RORB: variants seen among roughly 807,000 people sequenced by gnomAD.
The protein encoded by RORB is nuclear receptor ROR-beta.
RORB carries 6 observed loss-of-function variants against 59.1 expected under a neutral mutation model. The ratio of observed to expected loss-of-function variants is 0.10; its 90% CI spans 0.06 to 0.20. The LOEUF (loss-of-function observed/expected upper bound fraction) is 0.20, where lower values mean the gene tolerates loss of function less well. Among genes scored for constraint, RORB ranks in the 10% least tolerant of loss-of-function variants. RORB has a pLI of 1.00. For missense variants in RORB, 320 were observed against 560.5 expected (o/e 0.57, Z 4.33); for synonymous variants, 215 against 204.5 (o/e 1.05, Z -0.44).
intron 1 of RORB, among the ~76,000 whole-genome samples, chr9:74,522,163 A>T (rs1286967499): frequency 6.6e-6 from 1 of 151,766 alleles, no homozygotes; most frequent in Non-Finnish European, 1.5e-5. Context: ...TTAGCAGTAA[A>T]CTTAGTAAAA....
intron 1 of RORB, among the ~76,000 whole-genome samples, chr9:74,555,294 A>T (rs1822271608): frequency 6.6e-6 from 1 of 152,190 alleles, no homozygotes; most frequent in Non-Finnish European, 1.5e-5. Context: ...CATGTACCAC[A>T]GTGGGGACCT....
Position 74,507,493 on chromosome 9 carries a change from GA to G in RORB, c.7+9513del, listed in dbSNP as rs559801911. Among the ~76,000 whole-genome samples, 35 of 152,142 alleles carry G rather than the reference GA, an allele frequency of 2.3e-4. 1 individual carries two copies. The highest frequency in any genetic ancestry group is 7.5e-4 in the African/African-American group (31 of 41,554). Reference sequence around the variant, plus strand: ...AAAAGTTTCATTTCACCTCTCCAAGGAAAGGATCACATAGTGCTTCGTATGA... The same window carrying G: ...AAAAGTTTCATTTCACCTCTCCAAGGAAGGATCACATAGTGCTTCGTATGA... On this transcript the variant is annotated intron_variant, in intron 1 of 9. Coordinates refer to ENST00000376896, the MANE Select transcript of RORB (RefSeq NM_006914.4).
intron 1 of RORB, among the ~76,000 whole-genome samples, chr9:74,541,263 GA>G: frequency 1.2e-5 from 1 of 80,426 alleles, no homozygotes; most frequent in East Asian, 4.5e-4. Flanking sequence ...CTGGGCAACA[GA>G]AAGAGACTCC....
intron 1 of RORB, among the ~76,000 whole-genome samples, chr9:74,550,323 A>C (rs1587355337): frequency 6.6e-6 from 1 of 152,184 alleles, no homozygotes; most frequent in Non-Finnish European, 1.5e-5. Context: ...TGGGAAAGAC[A>C]CACTTTTTCA....
intron 1 of RORB, among the ~76,000 whole-genome samples, chr9:74,569,494 A>G (rs1822519666): frequency 6.6e-6 from 1 of 152,106 alleles, no homozygotes; most frequent in Non-Finnish European, 1.5e-5. Flanking sequence ...ACATACCAAA[A>G]AAAGGAAAAA....
chr9:74,587,499 A>G (rs541625325), intron 1 of RORB, among the ~76,000 whole-genome samples: 2 of 152,288 alleles, frequency 1.3e-5, no homozygotes, highest in South Asian at 4.1e-4. Context: ...ACCTGTAAAA[A>G]CAAACATGTA....
intron 1 of RORB, among the ~76,000 whole-genome samples, chr9:74,549,256 G>A (rs1020946863): frequency 6.6e-6 from 1 of 151,950 alleles, no homozygotes; most frequent in Non-Finnish European, 1.5e-5. Context: ...GACCAGCCTG[G>A]CTAACACGGT....
At chr9:74,632,936 A>C (rs184223075) in intron 2 of RORB, among the ~76,000 whole-genome samples, 6 of 152,306 alleles carry the variant, frequency 3.9e-5, no homozygotes, top group East Asian at 1.9e-4. Flanking sequence ...CTCATTCTGC[A>C]ATCACTGGTT....
intron 3 of RORB, among the ~76,000 whole-genome samples, chr9:74,639,015 GT>G (rs1823749855): frequency 6.6e-6 from 1 of 152,214 alleles, no homozygotes; most frequent in South Asian, 2.1e-4. Context: ...GTTTTTAGAT[GT>G]TACCCATGGC....
chr9:74,652,665 T>C (rs1824014314), intron 4 of RORB, among the ~76,000 whole-genome samples: 1 of 152,222 alleles, frequency 6.6e-6, no homozygotes, highest in Admixed American at 6.5e-5. Context: ...GGTCTTAGAA[T>C]ATTCAGGTCT....
intron 4 of RORB, among the ~76,000 whole-genome samples, chr9:74,659,219 G>A (rs1436037767): frequency 6.6e-6 from 1 of 152,088 alleles, no homozygotes; most frequent in East Asian, 1.9e-4. Flanking sequence ...ACAATTTTTT[G>A]TTCTCTACAT....
At position 74,499,701 on chromosome 9, in the gene RORB, G is replaced by A. The variant is rs150881003; in HGVS notation, c.7+1718G>A. 2.3e-3 allele frequency among the ~76,000 whole-genome samples: 345 copies of A among 152,208 alleles called. 1 individual carries two copies. The highest frequency in any genetic ancestry group is 7.8e-3 in the African/African-American group (324 of 41,544). On this transcript the variant is annotated intron_variant, in intron 1 of 9. Coordinates refer to ENST00000376896, the MANE Select transcript of RORB (RefSeq NM_006914.4). ...AACCTTGGCTTAGTAAGAGACGCCC[G>A]GTCTTTTGTTTTTCTTTTTCTAGCC...
At chr9:74,577,739 C>T (rs1357939962) in intron 1 of RORB, among the ~76,000 whole-genome samples, 1 of 151,960 alleles carries the variant, frequency 6.6e-6, no homozygotes, top group Non-Finnish European at 1.5e-5. Context: ...AGATTCCCAC[C>T]CTATAAAATG....
chr9:74,627,340 A>G (rs1458306954), intron 1 of RORB, among the ~76,000 whole-genome samples: 2 of 152,214 alleles, frequency 1.3e-5, no homozygotes, highest in Non-Finnish European at 2.9e-5. Flanking sequence ...TTCCAAACTG[A>G]TAACCCCTTT....
rs118003007 is a variant in RORB at position 74,614,472 on chromosome 9, T to A, written c.8-15810T>A. Among the ~76,000 whole-genome samples, 115 of 152,236 alleles carry A rather than the reference T, an allele frequency of 7.6e-4. 2 individuals carry two copies. In the East Asian group the frequency reaches 0.017, roughly 22 times the overall value. ...TAGTTGCTCTTGGCACAAGGAGGAATGGGTAATTATGTGAGATGATGGATA... is the reference window on the plus strand; with the variant it reads ...TAGTTGCTCTTGGCACAAGGAGGAAAGGGTAATTATGTGAGATGATGGATA... On this transcript the variant is annotated intron_variant, in intron 1 of 9. Coordinates refer to ENST00000376896, the MANE Select transcript of RORB (RefSeq NM_006914.4).
intron 1 of RORB, among the ~76,000 whole-genome samples, chr9:74,532,652 T>A (rs999197161): frequency 1.3e-5 from 2 of 151,130 alleles, no homozygotes; most frequent in Non-Finnish European, 3.0e-5. Flanking sequence ...ATTCCATATA[T>A]GTGTGTATAC....
chr9:74,549,815 G>C (rs1009110523), intron 1 of RORB, among the ~76,000 whole-genome samples: 24 of 151,964 alleles, frequency 1.6e-4, no homozygotes, highest in African/African-American at 5.6e-4. Context: ...GCGACCCTCC[G>C]CCTCCCGGGT....
At chr9:74,499,805 T>C (rs999956813) in intron 1 of RORB, among the ~76,000 whole-genome samples, 2 of 152,160 alleles carry the variant, frequency 1.3e-5, no homozygotes, top group Admixed American at 1.3e-4. Context: ...CCTTCTTCCC[T>C]TCTAACTTTC....
chr9:74,660,549 A>G (rs983979531), intron 4 of RORB, 68 bp from the exon 5 acceptor site: 1 of 1,452,688 alleles, frequency 6.9e-7, no homozygotes, highest in East Asian at 2.3e-5. Flanking sequence ...CTTATAGTAA[A>G]CACATTAAAA....
Sources: allele counts gnomAD v4.1 joint callset (sites outside exome capture counted in the v4.1 genomes callset), GRCh38; gene constraint gnomAD v4.1.1; transcripts MANE v1.5; gene names NCBI Gene and HGNC (gene_info 2026-07-23, HGNC 2026-07-21).